Variants in TMEM69 observed in about 807,000 individuals in gnomAD.
TMEM69 encodes the protein chromosome 1 open reading frame 154.
A neutral mutation model predicts 15.8 loss-of-function variants in TMEM69; 17 were observed. That is an observed-to-expected ratio of 1.07 (90% CI 0.73 to 1.61). The LOEUF is 1.61. Among genes scored for constraint, TMEM69 ranks in the 40% most tolerant of loss-of-function variants. The probability of loss-of-function intolerance (pLI) is 0.00; values close to 1 mark genes in which losing one functional copy is unlikely to be tolerated. For missense variants in TMEM69, 230 were observed against 286.1 expected (o/e 0.80, Z 1.41); for synonymous variants, 80 against 98.6 (o/e 0.81, Z 1.12).
rs74802595 is a variant in TMEM69, at chr1:45,692,715, G to A, written c.43-489G>A. Among the ~76,000 whole-genome samples the A allele has an allele frequency of 2.6e-5, 4 of 152,326 alleles. No homozygotes were observed. The East Asian group carries it at 7.7e-4, about 29-fold the overall frequency. ...AAAGTAGTAAGAGCTAGAATTCTAG[G>A]CAGAGCATACACAAAGGTGTGGAAC... On this transcript the variant is annotated intron_variant, in intron 2 of 2. Coordinates refer to ENST00000372025, the MANE Select transcript of TMEM69 (RefSeq NM_016486.4).
chr1:45,691,470 G>C (rs1156568666), intron 2 of TMEM69, among the ~76,000 whole-genome samples: 1 of 152,074 alleles, frequency 6.6e-6, no homozygotes, highest in Non-Finnish European at 1.5e-5. Flanking sequence ...TTGAGCCCAG[G>C]AGGTTGAGGC....
At chr1:45,690,786 A>G (rs1569921850) in intron 1 of TMEM69, among the ~76,000 whole-genome samples, 188 bp from the exon 2 acceptor site, 2 of 152,234 alleles carry the variant, frequency 1.3e-5, no homozygotes, top group South Asian at 4.1e-4. Flanking sequence ...TCTTTCTATT[A>G]CACTAGACAG....
Position 45,693,606 on chromosome 1 carries a change from C to G in TMEM69, c.445C>G (p.Leu149Val), listed in dbSNP as rs1645361184. 6.2e-7 allele frequency: 1 copy of G among 1,614,156 alleles called. No individual in the cohort carries two copies. The highest frequency in any genetic ancestry group is 8.5e-7 in the Non-Finnish European group (1 of 1,180,022). The change falls in exon 3 of 3, where the codon CTA (leucine) becomes GTA (valine). Residue 149 changes from leucine to valine, a missense_variant. By Grantham distance (32) the Leu-to-Val change is conservative (BLOSUM62 1). Transcript: ENST00000372025. ...GGGTGGGATCAGATGGGGTTTTGCT[C>G]TACCAGAAGGTAGTCCAGCCAAACC... Reference protein sequence around the residue: ...FLGGIRWGFALPEGSPAKPDY... With the variant: ...FLGGIRWGFAVPEGSPAKPDY...
intron 2 of TMEM69, 45 bp from the exon 3 acceptor site, chr1:45,693,157 CAT>C (rs749898998): frequency 3.7e-6 from 5 of 1,360,750 alleles, no homozygotes; most frequent in Admixed American, 2.2e-5. Context: ...TCTGATGATA[CAT>C]ATATATATTT....
chr1:45,691,334 T>C (rs1277070137), intron 2 of TMEM69, among the ~76,000 whole-genome samples: 1 of 152,014 alleles, frequency 6.6e-6, no homozygotes, highest in Admixed American at 6.6e-5. Context: ...TGGGATCACT[T>C]GAGCTCAAGG....
At chr1:45,691,874 ACGG>A (rs1377131768) in intron 2 of TMEM69, among the ~76,000 whole-genome samples, 6 of 151,306 alleles carry the variant, frequency 4.0e-5, no homozygotes, top group African/African-American at 4.9e-5. Context: ...AAGGCCAGGC[ACGG>A]TCACTCACTC....
At position 45,694,009 on chromosome 1, in the gene TMEM69, T is replaced by C. The variant is rs565664814; in HGVS notation, c.*104T>C. 1,547 of 732,232 alleles carry C rather than the reference T, an allele frequency of 2.1e-3. 6 individuals are homozygous for C. Among genetic ancestry groups the C allele is most frequent in the Non-Finnish European group, 2.6e-3 (1,200 of 464,016 alleles). 45.4% of individuals were successfully genotyped at this position (732,232 alleles called of 1,614,324 possible). On this transcript the variant is annotated 3_prime_UTR_variant, in exon 3 of 3. Transcript: ENST00000372025. The stretch of plus-strand genomic sequence containing the variant: ...TGGCCGCCTGACCATCTGGGAAGTG[T>C]GACAAGCGCCTCTGCCCGGCCGCTG...
At position 45,692,161 on chromosome 1, in the gene TMEM69, A is replaced by T. The variant is rs139285686; in HGVS notation, c.43-1043A>T. Among the ~76,000 whole-genome samples, 328 of 152,308 alleles carry T rather than the reference A, an allele frequency of 2.2e-3. 1 individual carries two copies. Among genetic ancestry groups the T allele is most frequent in the African/African-American group, 7.2e-3 (300 of 41,566 alleles). On this transcript the variant is annotated intron_variant, in intron 2 of 2. Transcript: ENST00000372025. ...AACTCGGTCTCAAAAAAATAAAAAT[A>T]AAAATTAATACATCAACTGGTAAAT... is the stretch of plus-strand genomic sequence containing the variant.
At chr1:45,688,955 G>A (rs1019974742) in intron 1 of TMEM69, among the ~76,000 whole-genome samples, 2 of 149,606 alleles carry the variant, frequency 1.3e-5, no homozygotes, top group African/African-American at 2.5e-5. Context: ...GTGGGCTGGA[G>A]TGCAATGGCG....
chr1:45,693,118 C>A, intron 2 of TMEM69, 86 bp from the exon 3 acceptor site: 2 of 967,974 alleles, frequency 2.1e-6, no homozygotes, highest in East Asian at 2.5e-5. Context: ...CAAACAATCC[C>A]CATTATTTCA....
At chr1:45,690,237 C>G (rs1229658755) in intron 1 of TMEM69, among the ~76,000 whole-genome samples, 2 of 152,088 alleles carry the variant, frequency 1.3e-5, no homozygotes, top group Non-Finnish European at 2.9e-5. Context: ...CGCGGTGGCT[C>G]ATGCCTGTAA....
intron 1 of TMEM69, among the ~76,000 whole-genome samples, chr1:45,689,175 T>G (rs1269427110): frequency 6.6e-6 from 1 of 151,972 alleles, no homozygotes; most frequent in East Asian, 1.9e-4. Context: ...CCCAAACTGC[T>G]GGGCTTACAG....
chr1:45,690,804 T>C (rs997218577), intron 1 of TMEM69, among the ~76,000 whole-genome samples, 170 bp from the exon 2 acceptor site: 5 of 152,198 alleles, frequency 3.3e-5, no homozygotes, highest in African/African-American at 1.2e-4. Flanking sequence ...CAGCCAAAGC[T>C]AAAAGAACAG....
At chr1:45,691,993 C>T (rs1645347840) in intron 2 of TMEM69, among the ~76,000 whole-genome samples, 1 of 150,872 alleles carries the variant, frequency 6.6e-6, no homozygotes, top group Non-Finnish European at 1.5e-5. Flanking sequence ...ACTAAAAATA[C>T]AAAAATTAGC....
At chr1:45,692,686 T>C (rs1262704842) in intron 2 of TMEM69, among the ~76,000 whole-genome samples, 2 of 152,152 alleles carry the variant, frequency 1.3e-5, no homozygotes, top group Non-Finnish European at 2.9e-5. Flanking sequence ...GTTTCCTAGA[T>C]AGGAAAGTAG....
chr1:45,688,373 ACT>A (rs1645316834), intron 1 of TMEM69, 98 bp downstream of exon 1: 1 of 151,798 alleles, frequency 6.6e-6, no homozygotes, highest in African/African-American at 2.4e-5. Flanking sequence ...AGACGCGGGC[ACT>A]CTCGGGCAGG....
At chr1:45,690,899 A>T in intron 1 of TMEM69, 75 bp from the exon 2 acceptor site, 2 of 666,526 alleles carry the variant, frequency 3.0e-6, no homozygotes, top group South Asian at 3.7e-5. Flanking sequence ...AAAGTGTTAT[A>T]TTCATGAATT....
chr1:45,689,768 G>A (rs1474353065), intron 1 of TMEM69, among the ~76,000 whole-genome samples: 1 of 152,084 alleles, frequency 6.6e-6, no homozygotes, highest in African/African-American at 2.4e-5. Flanking sequence ...AACCTGGGAG[G>A]CGAAGCTTGC....
chr1:45,689,558 T>G (rs1185101528), intron 1 of TMEM69, among the ~76,000 whole-genome samples: 2 of 151,966 alleles, frequency 1.3e-5, no homozygotes, highest in Non-Finnish European at 2.9e-5. Context: ...ATACAAAAAT[T>G]GGGGCCAGGC....
Sources: gnomAD v4.1 joint callset for allele counts (sites outside exome capture counted in the v4.1 genomes callset) on GRCh38, gnomAD v4.1.1 for gene constraint, MANE v1.5 for transcripts, NCBI Gene and HGNC (gene_info 2026-07-23, HGNC 2026-07-21) for gene names.